The following N4BP2 variants were observed in gnomAD, a reference collection of about 807,000 sequenced individuals.
N4BP2 encodes the protein NEDD4 binding protein 2.
N4BP2 carries 91 observed loss-of-function variants against 152.8 expected under a neutral mutation model. The ratio of observed to expected loss-of-function variants is 0.60; its 90% CI spans 0.50 to 0.71. N4BP2 has a LOEUF of 0.71. N4BP2 is among the 30% of genes least tolerant of loss of function. The probability of loss-of-function intolerance (pLI) is 0.00; values close to 1 mark genes in which losing one functional copy is unlikely to be tolerated. For synonymous variants in N4BP2, 646 were observed against 705.3 expected (o/e 0.92, Z 1.33); for missense variants, 1,923 against 2,059.1 (o/e 0.93, Z 1.28).
At chr4:40,188,866 C>T in the N4BP2 span, among the ~76,000 whole-genome samples, 5 of 151,982 alleles carry the variant, frequency 3.3e-5, no homozygotes, top group South Asian at 2.1e-4. Flanking sequence ...CAAGGGAGGC[C>T]GGGTGCAGTG....
intron 17 of N4BP2, among the ~76,000 whole-genome samples, chr4:40,153,663 C>T (rs139052225): frequency 1.8e-4 from 28 of 152,166 alleles, no homozygotes; most frequent in African/African-American, 5.5e-4. Flanking sequence ...GCTACATTAT[C>T]GAAAATGATA....
intron 13 of N4BP2, among the ~76,000 whole-genome samples, chr4:40,134,179 C>G (rs995646351): frequency 3.3e-5 from 5 of 152,178 alleles, no homozygotes; most frequent in Admixed American, 2.6e-4. Context: ...TAAATCAAAT[C>G]TTTAAAAGTA....
intron 1 of N4BP2, among the ~76,000 whole-genome samples, chr4:40,057,602 C>G (rs1355399893): frequency 6.6e-6 from 1 of 152,108 alleles, no homozygotes; most frequent in Admixed American, 6.6e-5. Flanking sequence ...CTTTGGCCCT[C>G]GTCCCGCCTC....
At chr4:40,132,017 A>G in intron 13 of N4BP2, 98 bp downstream of exon 13, 1 of 828,152 alleles carries the variant, frequency 1.2e-6, no homozygotes, top group South Asian at 1.5e-5. Flanking sequence ...GTAAGTCTAC[A>G]GTAGTCTCTC....
intron 2 of N4BP2, among the ~76,000 whole-genome samples, chr4:40,093,777 A>G (rs1714851494): frequency 6.6e-6 from 1 of 151,564 alleles, no homozygotes; most frequent in African/African-American, 2.4e-5. Context: ...TAATTTTTGT[A>G]TTAGTAGAGA....
At chr4:40,091,150 G>T (rs772403013) in intron 2 of N4BP2, among the ~76,000 whole-genome samples, 12 of 151,676 alleles carry the variant, frequency 7.9e-5, no homozygotes, top group Non-Finnish European at 1.5e-4. Flanking sequence ...TCTTGTTGGA[G>T]ATTTTATAGA....
chr4:40,186,705 AT>A, the N4BP2 span, among the ~76,000 whole-genome samples: 1 of 152,202 alleles, frequency 6.6e-6, no homozygotes, highest in Non-Finnish European at 1.5e-5. Context: ...GTCATTAAAG[AT>A]TTTTTGATTT....
At chr4:40,134,306 G>T (rs1228584621) in intron 13 of N4BP2, among the ~76,000 whole-genome samples, 2 of 152,140 alleles carry the variant, frequency 1.3e-5, no homozygotes, top group East Asian at 3.8e-4. Context: ...GGCCACTCCT[G>T]TTCTATGAGT....
rs779095793 is a variant in N4BP2, at chr4:40,102,127, A to T, written c.282A>T (p.Ile94=). ...AATTATCTGCCACTGATACCAAGAT[A>T]GAAGAATCATCTTCACAAAGTTTCG... ...LLELSATDTK[I]EESSSQSFVA... is the part of the protein sequence containing the mutation. Residue 94 remains isoleucine (I), a synonymous_variant, in exon 4 of 18, where the codon ATA becomes ATT. Coordinates refer to ENST00000261435, the MANE Select transcript of N4BP2 (RefSeq NM_018177.6). 2 of 1,612,784 alleles carry T rather than the reference A, an allele frequency of 1.2e-6. No homozygotes were observed. Among genetic ancestry groups the T allele is most frequent in the East Asian group, 2.2e-5 (1 of 44,816 alleles).
At chr4:40,133,018 A>AT (rs1450729489) in intron 13 of N4BP2, among the ~76,000 whole-genome samples, 1 of 151,748 alleles carries the variant, frequency 6.6e-6, no homozygotes, top group Non-Finnish European at 1.5e-5. Context: ...GCAGCCCGCC[A>AT]TTTTTCCCTC....
intron 13 of N4BP2, among the ~76,000 whole-genome samples, chr4:40,135,540 G>A (rs1719306429): frequency 6.6e-6 from 1 of 152,132 alleles, no homozygotes; most frequent in African/African-American, 2.4e-5. Context: ...TTCCACAGTG[G>A]TTGAACTAGT....
At chr4:40,164,533 A>G in the N4BP2 span, among the ~76,000 whole-genome samples, 1 of 152,140 alleles carries the variant, frequency 6.6e-6, no homozygotes, top group Admixed American at 6.5e-5. Flanking sequence ...TGTTTTCTTT[A>G]TTTGCGTGGT....
rs1721670473 is a variant in N4BP2 at position 40,157,213 on chromosome 4, T to C, written c.*2976T>C. The C allele has an allele frequency of 6.6e-6, 1 of 152,096 alleles. No individual in the cohort carries two copies. Among genetic ancestry groups the C allele is most frequent in the Admixed American group, 6.5e-5 (1 of 15,274 alleles). 9.4% of individuals were successfully genotyped at this position (152,096 alleles called of 1,614,324 possible). A position where few individuals can be genotyped will look rare whatever the true frequency, so the allele number is the denominator to read the frequency against. On this transcript the variant is annotated 3_prime_UTR_variant, in exon 18 of 18. Transcript: ENST00000261435. Reference sequence around the variant, plus strand: ...AATGTGAGAAATGGAAGTGTTTTTTTTTTTACGTTTATTGGCTCTTCATAT... The same window carrying C: ...AATGTGAGAAATGGAAGTGTTTTTTCTTTTACGTTTATTGGCTCTTCATAT...
In N4BP2 at chr4:40,142,690, G is replaced by T; in HGVS notation, c.4803G>T (p.Glu1601Asp). The T allele has an allele frequency of 6.2e-7, 1 of 1,608,712 alleles. No homozygotes were observed. The highest frequency in any genetic ancestry group is 1.1e-5 in the South Asian group (1 of 90,172). Residue 1601 changes from glutamate (E) to aspartate (D), a missense_variant, in exon 15 of 18, where the codon GAG becomes GAT. By Grantham distance (45) the Glu-to-Asp change is conservative. Transcript: ENST00000261435. ...SKEKKPKKLK[E>D]TEETPSELSF... ...TCTTATAGCCAAAGAAATTAAAAGA[G>T]ACTGAAGAAACACCAAGTGAACTGT...
chr4:40,149,301 T>G (rs1258186839), intron 16 of N4BP2, among the ~76,000 whole-genome samples: 1 of 152,240 alleles, frequency 6.6e-6, no homozygotes, highest in Non-Finnish European at 1.5e-5. Context: ...TAAACATTAT[T>G]CTTTGTGAAA....
intron 16 of N4BP2, among the ~76,000 whole-genome samples, chr4:40,149,575 T>G (rs1560648026): frequency 6.6e-6 from 1 of 152,162 alleles, no homozygotes; most frequent in Non-Finnish European, 1.5e-5. Context: ...TTATGTTAAT[T>G]TTATCTCAAT....
At chr4:40,137,872 C>CT (rs1719548440) in intron 14 of N4BP2, among the ~76,000 whole-genome samples, 1 of 152,204 alleles carries the variant, frequency 6.6e-6, no homozygotes, top group South Asian at 2.1e-4. Flanking sequence ...CCCTGGTTGT[C>CT]TGATACTCGG....
the N4BP2 span, among the ~76,000 whole-genome samples, chr4:40,188,680 G>A: frequency 2.7e-4 from 41 of 149,186 alleles, no homozygotes; most frequent in African/African-American, 9.8e-4. Flanking sequence ...GGGAGGCGCA[G>A]GTTGCAATGA....
the N4BP2 span, among the ~76,000 whole-genome samples, chr4:40,165,698 C>G: frequency 6.6e-6 from 1 of 152,062 alleles, no homozygotes; most frequent in African/African-American, 2.4e-5. Flanking sequence ...AATGCAAACC[C>G]ACACATAGAG....
Sources: gnomAD v4.1 joint callset for allele counts (sites outside exome capture counted in the v4.1 genomes callset) on GRCh38, gnomAD v4.1.1 for gene constraint, MANE v1.5 for transcripts, NCBI Gene and HGNC (gene_info 2026-07-23, HGNC 2026-07-21) for gene names.